The following VAPB variants were observed in gnomAD, a reference collection of about 807,000 sequenced individuals.
VAPB encodes VAMP associated protein B and C, also known as vesicle-associated membrane protein-associated protein B/C.
VAPB carries 7 observed loss-of-function variants against 25.6 expected under a neutral mutation model. The observed-to-expected ratio is 0.27, with a 90% confidence interval of 0.16 to 0.51. The LOEUF (loss-of-function observed/expected upper bound fraction) is 0.51. Among genes scored for constraint, VAPB ranks in the 20% least tolerant of loss-of-function variants. VAPB has a pLI of 0.97. For synonymous variants in VAPB, 112 were observed against 109.2 expected, an observed-to-expected ratio of 1.03 and a Z score of -0.16; for missense variants, 266 against 301.3, an observed-to-expected ratio of 0.88 and a Z score of 0.87.
intron 1 of VAPB, among the ~76,000 whole-genome samples, chr20:58,394,631 A>G (rs1987902864): frequency 6.6e-6 from 1 of 152,262 alleles, no homozygotes; most frequent in East Asian, 1.9e-4. Context: ...ATCTTCATAG[A>G]TAGTACCATT....
At position 58,443,814 on chromosome 20, in the gene VAPB, C is replaced by T. The variant is rs182749593; in HGVS notation, c.574-263C>T. 3.7e-4 allele frequency among the ~76,000 whole-genome samples: 56 copies of T among 152,100 alleles called. 1 individual carries two copies. Among genetic ancestry groups the T allele is most frequent in the African/African-American group, 1.3e-3 (55 of 41,498 alleles). On this transcript the variant is annotated intron_variant, in intron 5 of 5. Transcript: ENST00000475243. ...GCTTTTTTCTGTAAATCACGGGAAA[C>T]CAAGGAGCACCCTGTTTAGATGTCT...
intron 1 of VAPB, among the ~76,000 whole-genome samples, 156 bp from the exon 2 acceptor site, chr20:58,418,055 G>C (rs969786500): frequency 1.3e-5 from 2 of 152,200 alleles, no homozygotes; most frequent in Admixed American, 1.3e-4. Context: ...TACTGCTAGT[G>C]CATTAACCTC....
intron 1 of VAPB, among the ~76,000 whole-genome samples, chr20:58,413,814 G>C (rs1182820252): frequency 7.0e-6 from 1 of 143,438 alleles, no homozygotes; most frequent in Admixed American, 6.8e-5. Context: ...GCAGCTGGCC[G>C]GGCGGGGGGC....
rs1212561555 is a variant in VAPB, at chr20:58,449,006, C to A, written c.*4771C>A. 1 of 454,114 alleles carries A rather than the reference C, an allele frequency of 2.2e-6. No homozygotes were observed. Among genetic ancestry groups the A allele is most frequent in the Non-Finnish European group, 4.4e-6 (1 of 226,780 alleles). 28.1% of individuals were successfully genotyped at this position (454,114 alleles called of 1,614,324 possible). A position where few individuals can be genotyped will look rare whatever the true frequency, so the allele number is the denominator to read the frequency against. ...GGGCCCTGCTGAGGTTTGAAAACAGCTGAGCTGCTGATGTCTCAGGCCTTT... is the reference window on the plus strand; with the variant it reads ...GGGCCCTGCTGAGGTTTGAAAACAGATGAGCTGCTGATGTCTCAGGCCTTT... On this transcript the variant is annotated 3_prime_UTR_variant, in exon 6 of 6. Transcript: ENST00000475243.
At chr20:58,441,317 A>C (rs987811796) in intron 5 of VAPB, among the ~76,000 whole-genome samples, 1 of 151,884 alleles carries the variant, frequency 6.6e-6, no homozygotes, top group Non-Finnish European at 1.5e-5. Context: ...TCAACTGTTG[A>C]AGCTCTTGTC....
chr20:58,394,384 G>C (rs77203668), intron 1 of VAPB, among the ~76,000 whole-genome samples: 1 of 152,366 alleles, frequency 6.6e-6, no homozygotes, highest in East Asian at 1.9e-4. Context: ...TTATCTTTCA[G>C]ATGCCAAGTA....
rs908059945 is a variant in VAPB at position 58,447,750 on chromosome 20, A to C, written c.*3515A>C. On this transcript the variant is annotated 3_prime_UTR_variant, in exon 6 of 6. Coordinates refer to ENST00000475243, the MANE Select transcript of VAPB (RefSeq NM_004738.5). ...ATCGTGCCTATATTTTTTTGCATAC[A>C]CAAATTTTTGTGTTTGCAAACTCAG... The C allele has an allele frequency of 2.2e-6, 1 of 453,780 alleles. No homozygotes were observed. The highest frequency in any genetic ancestry group is 1.6e-5 in the South Asian group (1 of 64,480). 28.1% of individuals were successfully genotyped at this position (453,780 alleles called of 1,614,324 possible).
In VAPB at chr20:58,450,507, C is replaced by T. The variant is rs748898781; in HGVS notation, c.*6272C>T. The T allele has an allele frequency of 2.2e-6, 1 of 453,472 alleles. No homozygotes were observed. The highest frequency in any genetic ancestry group is 1.6e-5 in the South Asian group (1 of 64,444). The allele number at this position is 453,472 out of a possible 1,614,324, so 28.1% of individuals were successfully genotyped here. A position where few individuals can be genotyped will look rare whatever the true frequency, so the allele number is the denominator to read the frequency against. ...TTCTCATTTCTGTTGCTGTCGTTTC[C>T]TTTTTAAAGACGATTTATCAACTGC... is the stretch of plus-strand genomic sequence containing the variant. On this transcript the variant is annotated 3_prime_UTR_variant, in exon 6 of 6. Transcript: ENST00000475243.
chr20:58,440,799 A>T, intron 4 of VAPB, 108 bp from the exon 5 acceptor site: 3 of 993,798 alleles, frequency 3.0e-6, no homozygotes, highest in Non-Finnish European at 3.1e-6. Context: ...TACAGTGTGG[A>T]TGAAATGCTA....
chr20:58,399,717 A>C (rs1988049266), intron 1 of VAPB, among the ~76,000 whole-genome samples: 1 of 97,824 alleles, frequency 1.0e-5, no homozygotes. Flanking sequence ...CCGTCTCAAA[A>C]AAAAAAAAAA....
chr20:58,434,942 C>CA (rs1265653822), intron 3 of VAPB, among the ~76,000 whole-genome samples: 1 of 152,128 alleles, frequency 6.6e-6, no homozygotes, highest in Non-Finnish European at 1.5e-5. Context: ...TTCCTGAGCT[C>CA]AGTGTGCTTC....
intron 2 of VAPB, among the ~76,000 whole-genome samples, chr20:58,423,845 T>G (rs1422984933): frequency 1.3e-5 from 2 of 152,334 alleles, no homozygotes; most frequent in East Asian, 3.9e-4. Context: ...CAACTCACAT[T>G]CATACTTTAA....
chr20:58,441,144 T>C, intron 5 of VAPB, 61 bp downstream of exon 5: 7 of 1,572,748 alleles, frequency 4.5e-6, no homozygotes, highest in Non-Finnish European at 6.1e-6. Flanking sequence ...GCTTCTTGGG[T>C]GGGGAAGTTG....
chr20:58,420,373 A>G (rs929134079), intron 2 of VAPB, among the ~76,000 whole-genome samples: 6 of 152,244 alleles, frequency 3.9e-5, no homozygotes, highest in Admixed American at 3.9e-4. Flanking sequence ...GTTCTGATTT[A>G]TGATTGCTTA....
chr20:58,447,849 A>G lies in VAPB; in HGVS notation c.*3614A>G, dbSNP rs757838230. 13 of 453,904 alleles carry G rather than the reference A, an allele frequency of 2.9e-5. No individual in the cohort carries two copies. Among genetic ancestry groups the G allele is most frequent in the Non-Finnish European group, 4.9e-5 (11 of 226,772 alleles). 28.1% of individuals were successfully genotyped at this position (453,904 alleles called of 1,614,324 possible). On this transcript the variant is annotated 3_prime_UTR_variant, in exon 6 of 6. Coordinates refer to ENST00000475243, the MANE Select transcript of VAPB (RefSeq NM_004738.5). ...AAAGGAATGGCCCATTTCTCATTGT[A>G]GTTTGAGAAATACATGTATGAAGAG... is the stretch of plus-strand genomic sequence containing the variant.
rs372636893 is a variant in VAPB, at chr20:58,398,013, G to A, written c.58+8496G>A. On this transcript the variant is annotated intron_variant, in intron 1 of 5. Transcript: ENST00000475243. ...TTACAGATGTTCCTCACCTTACAGC[G>A]GAGTTACATCCTCAGAAACCCATTG... Among the ~76,000 whole-genome samples, 10 of 152,254 alleles carry A rather than the reference G, an allele frequency of 6.6e-5. No homozygotes were observed. The East Asian group carries it at 9.6e-4, about 15-fold the overall frequency.
chr20:58,437,551 T>C (rs1989075693), intron 3 of VAPB, among the ~76,000 whole-genome samples: 4 of 152,234 alleles, frequency 2.6e-5, no homozygotes, highest in Admixed American at 2.6e-4. Context: ...AGTCATCTGA[T>C]ACTTTGAGAC....
At position 58,440,858 on chromosome 20, in the gene VAPB, CATT is replaced by C. The variant is rs1260770657; in HGVS notation, c.397-44_397-42del. ...CTACTTTACTTTGCATAAAAAAGTC[CATT>C]ATTACATGGTCGGTGACACTTAGGC... On this transcript the variant is annotated intron_variant, in intron 4 of 5. Coordinates refer to ENST00000475243, the MANE Select transcript of VAPB (RefSeq NM_004738.5). 2.5e-6 allele frequency: 4 copies of C among 1,584,174 alleles called. No individual in the cohort carries two copies. The Admixed American group carries it at 5.2e-5, about 21-fold the overall frequency.
intron 1 of VAPB, among the ~76,000 whole-genome samples, chr20:58,395,907 TTTAAAAAACAAACAAAATA>T (rs1232606727): frequency 6.6e-6 from 1 of 152,198 alleles, no homozygotes; most frequent in African/African-American, 2.4e-5. Context: ...TTGAGGATTA[TTTAAAAAACAAACAAAATA>T]ACTGAATGTG....
Sources: gnomAD v4.1 joint callset for allele counts (sites outside exome capture counted in the v4.1 genomes callset) on GRCh38, gnomAD v4.1.1 for gene constraint, MANE v1.5 for transcripts, NCBI Gene and HGNC (gene_info 2026-07-23, HGNC 2026-07-21) for gene names.